The following LZIC variants were observed in gnomAD, a reference collection of about 807,000 sequenced individuals.
LZIC encodes protein LZIC.
Under a neutral mutation model 25.4 loss-of-function variants are expected in LZIC, and 28 were observed. That is an observed-to-expected ratio of 1.10 (90% CI 0.82 to 1.51). LZIC has a LOEUF of 1.51. Ranked by LOEUF, LZIC falls within the 40% of genes most tolerant of loss-of-function variation. The probability of loss-of-function intolerance (pLI) is 0.00; values close to 1 mark genes in which losing one functional copy is unlikely to be tolerated. For synonymous variants in LZIC, 65 were observed against 70.7 expected (o/e 0.92, Z 0.40); for missense variants, 170 against 211.1 (o/e 0.81, Z 1.21).
intron 2 of LZIC, 50 bp downstream of exon 2, chr1:9,942,569 CAGAAA>C: frequency 1.1e-6 from 1 of 938,016 alleles, no homozygotes; most frequent in Non-Finnish European, 1.5e-6. Flanking sequence ...TACGAAACTA[CAGAAA>C]CCGCTCTCAG....
At position 9,931,895 on chromosome 1, in the gene LZIC, G is replaced by A. The variant is rs1409976999; in HGVS notation, c.510C>T (p.Asp170=). 6.2e-7 allele frequency: 1 copy of A among 1,611,640 alleles called. No homozygotes were observed. Among genetic ancestry groups the A allele is most frequent in the Non-Finnish European group, 8.5e-7 (1 of 1,178,198 alleles). Residue 170 remains aspartate (D), a synonymous_variant, in exon 7 of 8, where the codon GAC becomes GAT. Transcript: ENST00000377223. ...ILSQFEKVST[D]LGSGDKILAL... is the part of the protein sequence containing the mutation. ...CAGAAATATGAGGGCACTCACCAAG[G>A]TCTGTAGAGACTTTCTCAAACTGGC...
chr1:9,922,445 A>C, downstream of LZIC: 1 of 416,934 alleles, frequency 2.4e-6, no homozygotes, highest in Non-Finnish European at 3.2e-6. Context: ...AATATCCTAG[A>C]TTGACTTTAA....
chr1:9,922,997 T>C (rs1018043883), downstream of LZIC, among the ~76,000 whole-genome samples: 2 of 152,154 alleles, frequency 1.3e-5, no homozygotes, highest in East Asian at 3.9e-4. Context: ...TCTTGGGCTA[T>C]TATAAGATCT....
chr1:9,929,389 C>T lies in LZIC; in HGVS notation c.*1010G>A, dbSNP rs1045257952. The T allele has an allele frequency of 8.1e-6, 8 of 984,976 alleles. No homozygotes were observed. Among genetic ancestry groups the T allele is most frequent in the South Asian group, 4.7e-5 (1 of 21,280 alleles). The allele number at this position is 984,976 out of a possible 1,614,324, so 61.0% of individuals were successfully genotyped here. Reference sequence around the variant, plus strand: ...AGCCTAAAAAATAAGCTAATATACACGCATAGGGACACATCTGCATATTTG... The same window carrying T: ...AGCCTAAAAAATAAGCTAATATACATGCATAGGGACACATCTGCATATTTG... On this transcript the variant is annotated 3_prime_UTR_variant, in exon 8 of 8. Coordinates refer to ENST00000377223, the MANE Select transcript of LZIC (RefSeq NM_032368.5).
chr1:9,931,029 T>C (rs1640189282), intron 7 of LZIC, among the ~76,000 whole-genome samples: 1 of 151,584 alleles, frequency 6.6e-6, no homozygotes, highest in African/African-American at 2.4e-5. Flanking sequence ...ATAAAATTTA[T>C]TTTAAAACAT....
At position 9,931,964 on chromosome 1, in the gene LZIC, T is replaced by C. The variant is rs1038997890; in HGVS notation, c.441A>G (p.Ala147=). ...ALRKLGEKLT[A]DDEAFLSANA... Reference sequence around the variant, plus strand: ...TTGCTGACAAGAAGGCCTCATCATCTGCAGTCAGCTAAACAAAATGAAACA... The same window carrying C: ...TTGCTGACAAGAAGGCCTCATCATCCGCAGTCAGCTAAACAAAATGAAACA... The change falls in exon 7 of 8, where the codon GCA becomes GCG. Residue 147 remains alanine, a synonymous_variant. Coordinates refer to ENST00000377223, the MANE Select transcript of LZIC (RefSeq NM_032368.5). 10 of 1,612,852 alleles carry C rather than the reference T, an allele frequency of 6.2e-6. No individual in the cohort carries two copies. Among genetic ancestry groups the C allele is most frequent in the Non-Finnish European group, 8.5e-6 (10 of 1,179,418 alleles).
rs1157380589 is a variant in LZIC, at chr1:9,928,132, T to C, written c.*2267A>G. 2.0e-5 allele frequency among the ~76,000 whole-genome samples: 3 copies of C among 151,866 alleles called. No homozygotes were observed. The highest frequency in any genetic ancestry group is 2.9e-5 in the Non-Finnish European group (2 of 67,962). On this transcript the variant is annotated 3_prime_UTR_variant, in exon 8 of 8. Coordinates refer to ENST00000377223, the MANE Select transcript of LZIC (RefSeq NM_032368.5). The stretch of plus-strand genomic sequence containing the variant: ...GAGTTCGAGACCAGCCTGACCAACA[T>C]GGAGAAACCCCATCTCTACTAAAAA...
Position 9,930,192 on chromosome 1 carries a change from T to G in LZIC, c.*207A>C. Reference sequence around the variant, plus strand: ...AGTGAGTCCCTCTGTCGCAACAAGTTCAGGATCACTCAAGCAGGTAACCGC... The same window carrying G: ...AGTGAGTCCCTCTGTCGCAACAAGTGCAGGATCACTCAAGCAGGTAACCGC... On this transcript the variant is annotated 3_prime_UTR_variant, in exon 8 of 8. Coordinates refer to ENST00000377223, the MANE Select transcript of LZIC (RefSeq NM_032368.5). 7.2e-7 allele frequency: 1 copy of G among 1,385,128 alleles called. No homozygotes were observed. The allele number at this position is 1,385,128 out of a possible 1,614,324, so 85.8% of individuals were successfully genotyped here.
At chr1:9,925,994 C>A (rs1245434300), downstream of LZIC, among the ~76,000 whole-genome samples, 2 of 143,240 alleles carry the variant, frequency 1.4e-5, no homozygotes, top group Non-Finnish European at 3.0e-5. Flanking sequence ...CCCGGGTTCA[C>A]GCCATTCTCC....
At chr1:9,923,630 A>T (rs1639912964), downstream of LZIC, among the ~76,000 whole-genome samples, 1 of 148,072 alleles carries the variant, frequency 6.8e-6, no homozygotes, top group African/African-American at 2.5e-5. Context: ...TCCCAAGTAT[A>T]GTATAGAATT....
intron 5 of LZIC, 143 bp from the exon 6 acceptor site, chr1:9,933,041 T>G: frequency 1.8e-6 from 1 of 570,578 alleles, no homozygotes; most frequent in Non-Finnish European, 3.1e-6. Flanking sequence ...GATCACGAGG[T>G]CAGGAGACCA....
downstream of LZIC, among the ~76,000 whole-genome samples, chr1:9,926,176 C>T (rs1000499493): frequency 2.0e-5 from 3 of 152,112 alleles, no homozygotes; most frequent in African/African-American, 7.2e-5. Flanking sequence ...TGAGCCACGG[C>T]GCCCTGCCGA....
In LZIC at chr1:9,929,519, C is replaced by A; in HGVS notation, c.*880G>T. On this transcript the variant is annotated 3_prime_UTR_variant, in exon 8 of 8. Transcript: ENST00000377223. ...AGAGTAGATAACAGCTGACAGTTAC[C>A]CCCCTCTGAGTGTGACAAGAGGTCA... 1.0e-6 allele frequency: 1 copy of A among 983,436 alleles called. No individual in the cohort carries two copies. The highest frequency in any genetic ancestry group is 1.2e-6 in the Non-Finnish European group (1 of 829,678). 60.9% of individuals were successfully genotyped at this position (983,436 alleles called of 1,614,324 possible). A position where few individuals can be genotyped will look rare whatever the true frequency, so the allele number is the denominator to read the frequency against.
chr1:9,927,328 G>A lies in LZIC; in HGVS notation c.*3071C>T, dbSNP rs1640016776. ...GGTAACTCTCTTTATCTTTTTTTTA[G>A]ACAGGGGTCTCACTTTGTCAGCCAG... On this transcript the variant is annotated 3_prime_UTR_variant, in exon 8 of 8. Coordinates refer to ENST00000377223, the MANE Select transcript of LZIC (RefSeq NM_032368.5). 6.6e-6 allele frequency among the ~76,000 whole-genome samples: 1 copy of A among 151,966 alleles called. No homozygotes were observed.
At chr1:9,932,180 T>C (rs536885107) in intron 6 of LZIC, 514 of 438,376 alleles carry the variant, frequency 1.2e-3, no homozygotes, top group Non-Finnish European at 1.9e-3. Context: ...CCCATTTCTA[T>C]TAAAAATACA....
At chr1:9,941,224 G>A (rs1295113160) in intron 2 of LZIC, among the ~76,000 whole-genome samples, 1 of 149,754 alleles carries the variant, frequency 6.7e-6, no homozygotes, top group East Asian at 1.9e-4. Context: ...TTTTGATGGC[G>A]TCTCACGGTC....
chr1:9,939,957 A>C (rs1465690826), intron 2 of LZIC, among the ~76,000 whole-genome samples: 1 of 151,982 alleles, frequency 6.6e-6, no homozygotes, highest in Non-Finnish European at 1.5e-5. Flanking sequence ...CGTCTCTACA[A>C]TAAATTAAAA....
chr1:9,931,495 C>G (rs1340643097), intron 7 of LZIC, among the ~76,000 whole-genome samples: 1 of 152,120 alleles, frequency 6.6e-6, no homozygotes, highest in Non-Finnish European at 1.5e-5. Flanking sequence ...ATCTCCTGAC[C>G]TCGTGATCTG....
At position 9,930,101 on chromosome 1, in the gene LZIC, C is replaced by G; in HGVS notation, c.*298G>C. Reference sequence around the variant, plus strand: ...ACTATCAACACTTAAAAACAAACAGCCTTAATAAAAATCAAGTCCACTTTG... The same window carrying G: ...ACTATCAACACTTAAAAACAAACAGGCTTAATAAAAATCAAGTCCACTTTG... On this transcript the variant is annotated 3_prime_UTR_variant, in exon 8 of 8. Coordinates refer to ENST00000377223, the MANE Select transcript of LZIC (RefSeq NM_032368.5). The G allele has an allele frequency of 8.9e-7, 1 of 1,129,180 alleles. No individual in the cohort carries two copies. The highest frequency in any genetic ancestry group is 1.1e-6 in the Non-Finnish European group (1 of 918,166). 69.9% of individuals were successfully genotyped at this position (1,129,180 alleles called of 1,614,324 possible). A position where few individuals can be genotyped will look rare whatever the true frequency, so the allele number is the denominator to read the frequency against.
Sources: gnomAD v4.1 joint callset for allele counts (sites outside exome capture counted in the v4.1 genomes callset) on GRCh38, gnomAD v4.1.1 for gene constraint, MANE v1.5 for transcripts, NCBI Gene and HGNC (gene_info 2026-07-23, HGNC 2026-07-21) for gene names.